Variants in CLVS1 observed in about 807,000 individuals in gnomAD.
The protein encoded by CLVS1 is clavesin-1.
A neutral mutation model predicts 33.1 loss-of-function variants in CLVS1; 10 were observed. The observed-to-expected ratio is 0.30, with a 90% CI of 0.19 to 0.51. The LOEUF (loss-of-function observed/expected upper bound fraction) is 0.51. CLVS1 is among the 20% of genes least tolerant of loss of function. The pLI is 0.97. For missense variants in CLVS1, 343 were observed against 433.4 expected, an observed-to-expected ratio of 0.79 and a Z score of 1.85; for synonymous variants, 163 against 166.1, an observed-to-expected ratio of 0.98 and a Z score of 0.14.
chr8:61,457,633 G>T (rs1817215502), intron 4 of CLVS1, among the ~76,000 whole-genome samples: 2 of 151,906 alleles, frequency 1.3e-5, no homozygotes, highest in African/African-American at 4.8e-5. Flanking sequence ...AATAAGAATT[G>T]ATTTTCTTCT....
intron 5 of CLVS1, among the ~76,000 whole-genome samples, chr8:61,478,205 T>C (rs887520288): frequency 2.6e-5 from 4 of 152,200 alleles, no homozygotes; most frequent in African/African-American, 9.6e-5. Context: ...TTTCTGTTCT[T>C]TTACATTTGC....
At chr8:61,299,352 T>C (rs1810343421) in intron 1 of CLVS1, among the ~76,000 whole-genome samples, 2 of 152,152 alleles carry the variant, frequency 1.3e-5, no homozygotes, top group South Asian at 4.2e-4. Flanking sequence ...AGTATCATTC[T>C]CTCCTCTCAC....
chr8:61,330,614 C>T (rs558365913), intron 2 of CLVS1, among the ~76,000 whole-genome samples: 23 of 152,308 alleles, frequency 1.5e-4, no homozygotes, highest in Admixed American at 1.1e-3. Context: ...AGAGAAGTCT[C>T]TCCTTTTACA....
At chr8:61,064,162 C>T (rs1313433572) in intron 1 of CLVS1, among the ~76,000 whole-genome samples, 2 of 152,306 alleles carry the variant, frequency 1.3e-5, no homozygotes, top group East Asian at 3.9e-4. Flanking sequence ...CTTTTGATTA[C>T]TGGGACCAAT....
chr8:61,269,292 G>C (rs549462020), intron 2 of CLVS1, among the ~76,000 whole-genome samples: 2 of 152,292 alleles, frequency 1.3e-5, no homozygotes, highest in South Asian at 2.1e-4. Context: ...CCCATTTCTT[G>C]TTTTTGTCTG....
At chr8:61,028,862 G>T in the CLVS1 span, among the ~76,000 whole-genome samples, 2 of 152,296 alleles carry the variant, frequency 1.3e-5, no homozygotes, top group East Asian at 1.9e-4. Context: ...CTTGCTGTCT[G>T]CTGCCATATT....
chr8:61,260,074 C>T (rs2129592160), intron 2 of CLVS1, among the ~76,000 whole-genome samples: 1 of 152,300 alleles, frequency 6.6e-6, no homozygotes, highest in Non-Finnish European at 1.5e-5. Context: ...GTTTAAATGT[C>T]ACCTCCTTCC....
intron 2 of CLVS1, among the ~76,000 whole-genome samples, chr8:61,197,376 G>T (rs1807638683): frequency 6.6e-6 from 1 of 152,104 alleles, no homozygotes; most frequent in Admixed American, 6.5e-5. Flanking sequence ...GTTTGTTTCT[G>T]GGTTCTCAAT....
At chr8:61,483,240 TAA>T (rs1476334740) in intron 5 of CLVS1, among the ~76,000 whole-genome samples, 1 of 151,952 alleles carries the variant, frequency 6.6e-6, no homozygotes, top group African/African-American at 2.4e-5. Context: ...ATAGATGCAA[TAA>T]AAAATGACAA....
intron 2 of CLVS1, among the ~76,000 whole-genome samples, chr8:61,281,267 G>C (rs542034460): frequency 6.6e-6 from 1 of 152,254 alleles, no homozygotes; most frequent in Admixed American, 6.5e-5. Flanking sequence ...ACACATTTGG[G>C]GGTATTATGG....
chr8:60,988,906 C>T, the CLVS1 span, among the ~76,000 whole-genome samples: 1 of 152,340 alleles, frequency 6.6e-6, no homozygotes, highest in South Asian at 2.1e-4. Flanking sequence ...GCTCTGTCAT[C>T]CAGGCTGGAG....
upstream of CLVS1, among the ~76,000 whole-genome samples, chr8:61,286,536 T>C (rs933575449): frequency 2.0e-5 from 3 of 152,226 alleles, no homozygotes; most frequent in Non-Finnish European, 4.4e-5. Flanking sequence ...TCTGGGAATG[T>C]ATAAGCTATG....
chr8:60,967,572 C>T, the CLVS1 span: 1 of 452,432 alleles, frequency 2.2e-6, no homozygotes, highest in Non-Finnish European at 4.4e-6. Flanking sequence ...TGCATACTTA[C>T]CCTGTCGTCT....
At chr8:61,158,477 T>C (rs1313273913) in intron 2 of CLVS1, among the ~76,000 whole-genome samples, 1 of 152,108 alleles carries the variant, frequency 6.6e-6, no homozygotes, top group African/African-American at 2.4e-5. Context: ...AAAATAAAAA[T>C]CACAGCCAAA....
chr8:60,966,990 T>G, the CLVS1 span, among the ~76,000 whole-genome samples: 1 of 152,142 alleles, frequency 6.6e-6, no homozygotes, highest in African/African-American at 2.4e-5. Context: ...AAGAAACAAC[T>G]CAGTTTTGCA....
chr8:60,982,989 C>T, the CLVS1 span, among the ~76,000 whole-genome samples: 1 of 152,154 alleles, frequency 6.6e-6, no homozygotes, highest in African/African-American at 2.4e-5. Context: ...TCTGCCTACC[C>T]CATCCCCAGG....
intron 2 of CLVS1, among the ~76,000 whole-genome samples, chr8:61,344,683 G>C (rs1812142527): frequency 6.6e-6 from 1 of 152,094 alleles, no homozygotes; most frequent in Non-Finnish European, 1.5e-5. Context: ...GCATATAATG[G>C]GGTACTTCAT....
At chr8:61,323,885 C>T (rs1245532402) in intron 2 of CLVS1, among the ~76,000 whole-genome samples, 2 of 152,098 alleles carry the variant, frequency 1.3e-5, no homozygotes, top group Non-Finnish European at 2.9e-5. Context: ...TAAGTCAGAA[C>T]ATGCAGTGTT....
chr8:61,419,552 G>A (rs890699743), intron 3 of CLVS1, among the ~76,000 whole-genome samples: 2 of 152,162 alleles, frequency 1.3e-5, no homozygotes, highest in Non-Finnish European at 2.9e-5. Context: ...GATGGCAGGG[G>A]ACCTGTACTT....
Sources: allele counts gnomAD v4.1 joint callset (sites outside exome capture counted in the v4.1 genomes callset), GRCh38; gene constraint gnomAD v4.1.1; transcripts MANE v1.5; gene names NCBI Gene and HGNC (gene_info 2026-07-23, HGNC 2026-07-21).